LAMA3: variants seen among roughly 807,000 people sequenced by gnomAD.
LAMA3 encodes the protein laminin subunit alpha 3, also known as laminin subunit alpha-3.
In LAMA3, 281 loss-of-function variants were observed where a neutral mutation model predicts 402.0. That is an observed-to-expected ratio of 0.70 (90% CI 0.63 to 0.77). LAMA3 has a LOEUF of 0.77. Among genes scored for constraint, LAMA3 ranks in the 30% least tolerant of loss-of-function variants. The pLI, the probability that LAMA3 is intolerant of heterozygous loss-of-function variation, is 0.00. For synonymous variants in LAMA3, 1,431 were observed against 1,558.4 expected (o/e 0.92, Z 1.93); for missense variants, 3,840 against 4,215.5 (o/e 0.91, Z 2.47).
chr18:23,949,933 C>T lies in LAMA3; in HGVS notation c.9511+9C>T, dbSNP rs371677969. 4 of 1,613,924 alleles carry T rather than the reference C, an allele frequency of 2.5e-6. No individual in the cohort carries two copies. Among genetic ancestry groups the T allele is most frequent in the Non-Finnish European group, 3.4e-6 (4 of 1,179,962 alleles). ...AGGTCATGTCGTCTTGGGTAAGGAG[C>T]AGTTCTATAGAATTTAAGTCTTTGC... On this transcript the variant is annotated intron_variant, in intron 71 of 74. Coordinates refer to ENST00000313654, the MANE Select transcript of LAMA3 (RefSeq NM_198129.4).
intron 15 of LAMA3, among the ~76,000 whole-genome samples, chr18:23,814,820 G>C (rs1598846758): frequency 6.6e-6 from 1 of 152,182 alleles, no homozygotes; most frequent in African/African-American, 2.4e-5. Flanking sequence ...ATCAGAGCCA[G>C]TATAAGGACT....
At chr18:23,759,366 A>AT (rs2061922873) in intron 7 of LAMA3, among the ~76,000 whole-genome samples, 1 of 151,228 alleles carries the variant, frequency 6.6e-6, no homozygotes, top group East Asian at 1.9e-4. Flanking sequence ...GACAACTGCT[A>AT]TTTTTAACAA....
At chr18:23,694,060 A>G (rs969108813) in intron 1 of LAMA3, among the ~76,000 whole-genome samples, 1 of 152,208 alleles carries the variant, frequency 6.6e-6, no homozygotes, top group African/African-American at 2.4e-5. Flanking sequence ...TAGATCCCTC[A>G]TGTCAACAGG....
chr18:23,838,610 A>G (rs1260048277), intron 25 of LAMA3, among the ~76,000 whole-genome samples, 171 bp from the exon 26 acceptor site: 2 of 152,252 alleles, frequency 1.3e-5, no homozygotes, highest in African/African-American at 4.8e-5. Context: ...GTTGCACATA[A>G]TGATGCCTGA....
intron 45 of LAMA3, 38 bp downstream of exon 45, chr18:23,898,886 G>T: frequency 1.3e-6 from 2 of 1,573,554 alleles, no homozygotes; most frequent in Non-Finnish European, 1.7e-6. Flanking sequence ...GGGTTTTTTT[G>T]CTTTCAAAGT....
chr18:23,847,269 C>T (rs1050848298), intron 31 of LAMA3, among the ~76,000 whole-genome samples, 195 bp from the exon 32 acceptor site: 2 of 152,162 alleles, frequency 1.3e-5, no homozygotes, highest in East Asian at 3.9e-4. Context: ...CTGGCTGGCT[C>T]CTCAATCCCC....
chr18:23,943,395 G>T (rs1335017610), intron 68 of LAMA3, among the ~76,000 whole-genome samples: 1 of 152,204 alleles, frequency 6.6e-6, no homozygotes, highest in Non-Finnish European at 1.5e-5. Flanking sequence ...GTACTTAACA[G>T]TACTGAACTA....
At chr18:23,788,776 A>G (rs1012694410) in intron 12 of LAMA3, among the ~76,000 whole-genome samples, 3 of 151,980 alleles carry the variant, frequency 2.0e-5, no homozygotes, top group African/African-American at 7.2e-5. Context: ...ATTGGATTTC[A>G]TCAAAGTTAA....
intron 13 of LAMA3, among the ~76,000 whole-genome samples, chr18:23,811,639 G>A (rs2063070724): frequency 6.6e-6 from 1 of 152,164 alleles, no homozygotes; most frequent in Non-Finnish European, 1.5e-5. Context: ...GTGTCCTGGA[G>A]AGGAACCCGA....
At chr18:23,883,498 G>T (rs980481618) in intron 40 of LAMA3, among the ~76,000 whole-genome samples, 1 of 152,182 alleles carries the variant, frequency 6.6e-6, no homozygotes, top group African/African-American at 2.4e-5. Flanking sequence ...AACAAGTGTG[G>T]ATCACAAAGG....
intron 20 of LAMA3, among the ~76,000 whole-genome samples, chr18:23,823,409 A>G (rs978791658): frequency 3.3e-5 from 5 of 152,232 alleles, no homozygotes; most frequent in Non-Finnish European, 5.9e-5. Flanking sequence ...TGTTAACTCA[A>G]ATAGTTGGAA....
At chr18:23,927,754 A>G (rs930099146) in intron 62 of LAMA3, among the ~76,000 whole-genome samples, 2 of 152,226 alleles carry the variant, frequency 1.3e-5, no homozygotes, top group Admixed American at 6.5e-5. Context: ...TGTATATCAT[A>G]TATCATCTAT....
chr18:23,785,275 G>T (rs2062520921), intron 12 of LAMA3, among the ~76,000 whole-genome samples: 1 of 152,192 alleles, frequency 6.6e-6, no homozygotes, highest in Admixed American at 6.5e-5. Flanking sequence ...GAGAAGTGCT[G>T]TCTTTAGCTT....
intron 68 of LAMA3, among the ~76,000 whole-genome samples, chr18:23,939,747 A>G (rs1206436894): frequency 6.6e-6 from 1 of 152,232 alleles, no homozygotes; most frequent in Non-Finnish European, 1.5e-5. Context: ...TGAAAGTAAA[A>G]TCATTCTTTT....
Position 23,871,399 on chromosome 18 carries a change from G to A in LAMA3, c.4768-32G>A, listed in dbSNP as rs1455619931. The A allele has an allele frequency of 1.9e-6, 3 of 1,598,668 alleles. No individual in the cohort carries two copies. The South Asian group carries it at 3.3e-5, about 18-fold the overall frequency. On this transcript the variant is annotated intron_variant, in intron 37 of 74. Transcript: ENST00000313654. ...AACCCCTGGAAGTGAGCCTGCCTAAGGAAGACCCTGACTTTCTGTTTCCAT... is the reference window on the plus strand; with the variant it reads ...AACCCCTGGAAGTGAGCCTGCCTAAAGAAGACCCTGACTTTCTGTTTCCAT...
At chr18:23,859,137 G>A (rs1014877104) in intron 34 of LAMA3, among the ~76,000 whole-genome samples, 5 of 152,056 alleles carry the variant, frequency 3.3e-5, no homozygotes, top group Admixed American at 6.5e-5. Context: ...TGGTGAGTTC[G>A]CTGATACACC....
chr18:23,735,418 C>T (rs1371002488), intron 2 of LAMA3, among the ~76,000 whole-genome samples: 1 of 152,186 alleles, frequency 6.6e-6, no homozygotes, highest in Non-Finnish European at 1.5e-5. Flanking sequence ...GTGTAGGCTT[C>T]TAGGAGTGAG....
chr18:23,938,237 G>C (rs1315714256), intron 67 of LAMA3, among the ~76,000 whole-genome samples: 1 of 152,108 alleles, frequency 6.6e-6, no homozygotes, highest in Admixed American at 6.5e-5. Context: ...GAGGGGTCAC[G>C]TGTTTATTTC....
chr18:23,773,041 G>A (rs762900813), intron 8 of LAMA3, among the ~76,000 whole-genome samples: 2 of 152,244 alleles, frequency 1.3e-5, no homozygotes, highest in Non-Finnish European at 2.9e-5. Context: ...AAATTAGAAC[G>A]AAGAGAGACA....
Sources: allele counts gnomAD v4.1 joint callset (sites outside exome capture counted in the v4.1 genomes callset), GRCh38; gene constraint gnomAD v4.1.1; transcripts MANE v1.5; gene names NCBI Gene and HGNC (gene_info 2026-07-23, HGNC 2026-07-21).